The following SLC24A2 variants were observed in gnomAD, a reference collection of about 807,000 sequenced individuals.
The protein encoded by SLC24A2 is sodium/potassium/calcium exchanger 2.
A neutral mutation model predicts 62.0 loss-of-function variants in SLC24A2; 36 were observed. That is an observed-to-expected ratio of 0.58 (90% CI 0.44 to 0.77). The LOEUF (loss-of-function observed/expected upper bound fraction) is 0.77. Among genes scored for constraint, SLC24A2 ranks in the 30% least tolerant of loss-of-function variants. The probability of loss-of-function intolerance (pLI) is 0.00; values close to 1 mark genes in which losing one functional copy is unlikely to be tolerated. For synonymous variants in SLC24A2, 358 were observed against 294.0 expected, an observed-to-expected ratio of 1.22 and a Z score of -2.23; for missense variants, 846 against 817.9, an observed-to-expected ratio of 1.03 and a Z score of -0.42.
chr9:19,768,945 A>C (rs2118884280), intron 2 of SLC24A2, among the ~76,000 whole-genome samples: 1 of 152,186 alleles, frequency 6.6e-6, no homozygotes, highest in Non-Finnish European at 1.5e-5. Flanking sequence ...TCCCTGCTAC[A>C]TTCATTCCTG....
chr9:19,518,425 CTT>C (rs59805848), intron 10 of SLC24A2, among the ~76,000 whole-genome samples: 9 of 141,228 alleles, frequency 6.4e-5, no homozygotes, highest in Admixed American at 1.4e-4. Context: ...CTTTTCTTTT[CTT>C]TTTTTTTTTT....
At chr9:19,835,010 C>A in the SLC24A2 span, among the ~76,000 whole-genome samples, 4 of 152,090 alleles carry the variant, frequency 2.6e-5, no homozygotes, top group African/African-American at 9.7e-5. Context: ...AAATACTTTA[C>A]AGACAAGCAA....
chr9:19,559,142 CTTAA>C (rs755973327), intron 7 of SLC24A2, among the ~76,000 whole-genome samples: 5 of 152,074 alleles, frequency 3.3e-5, no homozygotes, highest in African/African-American at 7.3e-5. Flanking sequence ...ACAAATGTTA[CTTAA>C]TTAAAGTAAA....
chr9:19,638,774 TTAAA>T (rs2118059416), intron 2 of SLC24A2, among the ~76,000 whole-genome samples: 1 of 10,056 alleles, frequency 9.9e-5, no homozygotes, highest in East Asian at 0.01. Context: ...AATCATCAGA[TTAAA>T]TAAGATGACA....
chr9:20,245,599 A>T, the SLC24A2 span, among the ~76,000 whole-genome samples: 1 of 152,222 alleles, frequency 6.6e-6, no homozygotes, highest in African/African-American at 2.4e-5. Flanking sequence ...GAGAATAAGC[A>T]GAGCTTAGAA....
At chr9:20,293,184 C>A in the SLC24A2 span, among the ~76,000 whole-genome samples, 2 of 152,218 alleles carry the variant, frequency 1.3e-5, no homozygotes, top group Non-Finnish European at 2.9e-5. Flanking sequence ...TACATCGACA[C>A]CAACTCTATT....
chr9:19,948,844 CAA>C, the SLC24A2 span, among the ~76,000 whole-genome samples: 5,058 of 71,340 alleles, frequency 0.071, 124 homozygotes, highest in African/African-American at 0.22. Context: ...GACTCCGTCT[CAA>C]AAAAAAAAAA....
the SLC24A2 span, among the ~76,000 whole-genome samples, chr9:20,134,961 A>G: frequency 6.6e-6 from 1 of 152,256 alleles, no homozygotes; most frequent in East Asian, 1.9e-4. Flanking sequence ...AGGTTTATGT[A>G]TTTCTCAGGC....
chr9:20,260,413 A>G, the SLC24A2 span, among the ~76,000 whole-genome samples: 1 of 152,162 alleles, frequency 6.6e-6, no homozygotes, highest in African/African-American at 2.4e-5. Flanking sequence ...ACTAATTAAG[A>G]AAGTTAATGG....
At chr9:20,030,057 G>T in the SLC24A2 span, among the ~76,000 whole-genome samples, 1 of 152,158 alleles carries the variant, frequency 6.6e-6, no homozygotes, top group Admixed American at 6.5e-5. Context: ...GCATTAGAAA[G>T]TTTAATAGGA....
chr9:20,290,625 G>A, the SLC24A2 span, among the ~76,000 whole-genome samples: 1 of 152,350 alleles, frequency 6.6e-6, no homozygotes, highest in South Asian at 2.1e-4. Flanking sequence ...ACCACCTGCA[G>A]CTCCTGCAGG....
chr9:19,679,423 T>A (rs1819651326), intron 2 of SLC24A2, among the ~76,000 whole-genome samples: 1 of 152,130 alleles, frequency 6.6e-6, no homozygotes, highest in African/African-American at 2.4e-5. Flanking sequence ...ACAATCATAA[T>A]AAATCATGAT....
chr9:20,046,908 A>G, the SLC24A2 span, among the ~76,000 whole-genome samples: 3 of 152,124 alleles, frequency 2.0e-5, no homozygotes, highest in African/African-American at 7.2e-5. Flanking sequence ...TACTAATAAG[A>G]CCCAGGATTC....
chr9:19,526,944 T>C (rs1227371910), intron 9 of SLC24A2, among the ~76,000 whole-genome samples: 1 of 152,196 alleles, frequency 6.6e-6, no homozygotes, highest in Non-Finnish European at 1.5e-5. Flanking sequence ...AGATTTTTTT[T>C]CTGTCCTCTA....
the SLC24A2 span, among the ~76,000 whole-genome samples, chr9:20,204,560 A>G: frequency 6.6e-6 from 1 of 152,154 alleles, no homozygotes. Context: ...CTGATGTCGT[A>G]CTGGTGTTGC....
the SLC24A2 span, among the ~76,000 whole-genome samples, chr9:20,210,310 G>A: frequency 6.6e-6 from 1 of 152,060 alleles, no homozygotes; most frequent in Non-Finnish European, 1.5e-5. Context: ...AGCAAGTGCT[G>A]GTAACTAGAA....
At position 19,574,184 on chromosome 9, in the gene SLC24A2, GC is replaced by G. The variant is rs556311505; in HGVS notation, c.1229-716del. Reference sequence around the variant, plus strand: ...CAGTGCCTAGGTGGCCATGGGCAGGGCAGCCTGGTGAATACAACTTAGCACA... The same window carrying G: ...CAGTGCCTAGGTGGCCATGGGCAGGGAGCCTGGTGAATACAACTTAGCACA... On this transcript the variant is annotated intron_variant, in intron 6 of 10. Transcript: ENST00000341998. 9.2e-5 allele frequency among the ~76,000 whole-genome samples: 14 copies of G among 152,300 alleles called. No homozygotes were observed. The East Asian group carries it at 2.7e-3, about 29-fold the overall frequency.
At chr9:19,858,718 GA>G in the SLC24A2 span, among the ~76,000 whole-genome samples, 3 of 152,120 alleles carry the variant, frequency 2.0e-5, no homozygotes, top group East Asian at 5.8e-4. Context: ...TTTCAAAGAA[GA>G]CATACATGTG....
the SLC24A2 span, among the ~76,000 whole-genome samples, chr9:20,055,118 C>T: frequency 8.1e-3 from 1,234 of 152,174 alleles, 21 homozygotes; most frequent in African/African-American, 0.028. Flanking sequence ...CAGACAGGCT[C>T]GAGTGCTCAT....
Sources: allele counts gnomAD v4.1 joint callset (sites outside exome capture counted in the v4.1 genomes callset), GRCh38; gene constraint gnomAD v4.1.1; transcripts MANE v1.5; gene names NCBI Gene and HGNC (gene_info 2026-07-23, HGNC 2026-07-21).